IGSF11: variants seen among roughly 807,000 people sequenced by gnomAD.
The protein encoded by IGSF11 is immunoglobulin superfamily member 11.
IGSF11 carries 22 observed loss-of-function variants against 41.0 expected under a neutral mutation model. That is an observed-to-expected ratio of 0.54 (90% CI 0.38 to 0.77). IGSF11 has a LOEUF of 0.77. Ranked by LOEUF, IGSF11 falls within the 30% of genes least tolerant of loss-of-function variation. The pLI, the probability that IGSF11 is intolerant of heterozygous loss-of-function variation, is 0.00. For missense variants in IGSF11, 444 were observed against 530.8 expected, an observed-to-expected ratio of 0.84 and a Z score of 1.61; for synonymous variants, 219 against 201.3, an observed-to-expected ratio of 1.09 and a Z score of -0.74.
At chr3:118,977,147 A>C (rs879541325) in intron 1 of IGSF11, among the ~76,000 whole-genome samples, 1 of 152,180 alleles carries the variant, frequency 6.6e-6, no homozygotes, top group Non-Finnish European at 1.5e-5. Flanking sequence ...CATATTCCCC[A>C]GATTTTCTTT....
chr3:119,065,075 T>TC (rs1351311896), intron 1 of IGSF11, among the ~76,000 whole-genome samples: 1 of 152,220 alleles, frequency 6.6e-6, no homozygotes, highest in Admixed American at 6.5e-5. Context: ...CCTCTTTGAC[T>TC]CATACCCAAT....
intron 1 of IGSF11, among the ~76,000 whole-genome samples, chr3:119,135,166 G>T (rs1460954135): frequency 6.6e-5 from 10 of 151,988 alleles, no homozygotes; most frequent in African/African-American, 2.2e-4. Flanking sequence ...GGACTTCATG[G>T]CTAAAACACC....
At chr3:119,058,690 C>T (rs1009989481) in intron 1 of IGSF11, among the ~76,000 whole-genome samples, 1 of 152,166 alleles carries the variant, frequency 6.6e-6, no homozygotes, top group African/African-American at 2.4e-5. Flanking sequence ...TTTATTGCGG[C>T]ACTATTCACA....
intron 4 of IGSF11, among the ~76,000 whole-genome samples, chr3:118,917,740 C>A (rs1941310728): frequency 6.7e-6 from 1 of 149,570 alleles, no homozygotes; most frequent in African/African-American, 2.5e-5. Flanking sequence ...AGAGGGAATC[C>A]TCCCTAACTC....
rs546129822 is a variant in IGSF11, at chr3:119,091,550, T to G, written c.49+13594A>C. Reference sequence around the variant, plus strand: ...TAAAAAAGAATGAAATAATATCCTTTGCAGCAACATAGATGGAGCTGGAGG... The same window carrying G: ...TAAAAAAGAATGAAATAATATCCTTGGCAGCAACATAGATGGAGCTGGAGG... On this transcript the variant is annotated intron_variant, in intron 1 of 6. Transcript: ENST00000354673. 7.2e-5 allele frequency among the ~76,000 whole-genome samples: 11 copies of G among 152,306 alleles called. No individual in the cohort carries two copies. The East Asian group carries it at 2.1e-3, about 29-fold the overall frequency.
Position 119,047,911 on chromosome 3 carries a change from G to A in IGSF11, c.49+57233C>T, listed in dbSNP as rs535584849. ...CCTGAATGACTACTGCGTACATAAC[G>A]AAATGAAGGCAGAAATAAAGATGTT... On this transcript the variant is annotated intron_variant, in intron 1 of 6. Transcript: ENST00000354673. Among the ~76,000 whole-genome samples, 42 of 152,222 alleles carry A rather than the reference G, an allele frequency of 2.8e-4. 1 individual carries two copies. The highest frequency in any genetic ancestry group is 2.3e-3 in the South Asian group (11 of 4,818).
At chr3:119,081,753 G>A (rs1456841285) in intron 1 of IGSF11, among the ~76,000 whole-genome samples, 1 of 152,170 alleles carries the variant, frequency 6.6e-6, no homozygotes, top group Non-Finnish European at 1.5e-5. Context: ...ACCTCCTTGT[G>A]AATGGTAGGT....
At chr3:118,998,759 T>C (rs1936516666) in intron 1 of IGSF11, among the ~76,000 whole-genome samples, 1 of 152,152 alleles carries the variant, frequency 6.6e-6, no homozygotes, top group African/African-American at 2.4e-5. Flanking sequence ...AAATTTCAAT[T>C]TGCCCTTTAA....
At chr3:119,044,557 G>A (rs1941244670) in intron 1 of IGSF11, among the ~76,000 whole-genome samples, 1 of 152,068 alleles carries the variant, frequency 6.6e-6, no homozygotes, top group South Asian at 2.1e-4. Context: ...AGATGCTCAA[G>A]GAACACCTGG....
At chr3:118,913,351 T>G (rs1050728289) in intron 4 of IGSF11, among the ~76,000 whole-genome samples, 4 of 152,016 alleles carry the variant, frequency 2.6e-5, no homozygotes, top group African/African-American at 9.7e-5. Context: ...GCAGGATTAA[T>G]AAAAATTAAC....
chr3:119,011,599 G>A (rs1322776024), intron 1 of IGSF11, among the ~76,000 whole-genome samples: 1 of 152,040 alleles, frequency 6.6e-6, no homozygotes, highest in Admixed American at 6.6e-5. Context: ...AAAGAAGAGG[G>A]CCACAGAAGG....
At chr3:118,965,345 AT>A (rs1378875737) in intron 1 of IGSF11, among the ~76,000 whole-genome samples, 4 of 152,118 alleles carry the variant, frequency 2.6e-5, no homozygotes, top group Non-Finnish European at 5.9e-5. Flanking sequence ...TATAAGGAGT[AT>A]AAAAAATAAA....
intron 1 of IGSF11, among the ~76,000 whole-genome samples, chr3:119,003,480 G>A (rs1379322318): frequency 3.3e-5 from 5 of 150,864 alleles, no homozygotes; most frequent in African/African-American, 1.2e-4. Flanking sequence ...TCTCCTGCCT[G>A]ATTGCCCTGG....
intron 1 of IGSF11, among the ~76,000 whole-genome samples, chr3:119,048,549 G>A (rs1941471173): frequency 6.6e-6 from 1 of 152,124 alleles, no homozygotes; most frequent in Non-Finnish European, 1.5e-5. Context: ...TGGATTCACA[G>A]CCTAATTCTA....
In IGSF11 at chr3:118,933,470, T is replaced by TATATATATATATATATATATATATA. The variant is rs59418588; in HGVS notation, c.53-3196_53-3195insTATATATATATATATATATATATAT. Among the ~76,000 whole-genome samples, 10 of 146,140 alleles carry TATATATATATATATATATATATATA rather than the reference T, an allele frequency of 6.8e-5. 1 individual carries two copies. Among genetic ancestry groups the TATATATATATATATATATATATATA allele is most frequent in the Admixed American group, 5.5e-4 (8 of 14,542 alleles). ...TCTCTCTACATATAACATGTATTTT[T>TATATATATATATATATATATATATA]TATATATATATATATATATACACAC... On this transcript the variant is annotated intron_variant, in intron 1 of 6. Transcript: ENST00000393775.
intron 1 of IGSF11, among the ~76,000 whole-genome samples, chr3:118,975,363 T>TTAAAAAAAAAAAAAA (rs765744961): frequency 1.4e-4 from 20 of 140,734 alleles, no homozygotes; most frequent in South Asian, 4.5e-4. Context: ...CTGCTGGATT[T>TTAAAAAAAAAAAAAA]AAAAAAAAAA....
chr3:119,061,837 T>C (rs1463960074), intron 1 of IGSF11, among the ~76,000 whole-genome samples: 1 of 152,042 alleles, frequency 6.6e-6, no homozygotes. Context: ...GATAATAGTA[T>C]ACTTCTTGTC....
At position 118,907,825 on chromosome 3, in the gene IGSF11, T is replaced by C. The variant is rs968287699; in HGVS notation, c.581-2107A>G. Among the ~76,000 whole-genome samples, 5 of 152,302 alleles carry C rather than the reference T, an allele frequency of 3.3e-5. 1 individual carries two copies. The highest frequency in any genetic ancestry group is 1.9e-4 in the East Asian group (1 of 5,182). Reference sequence around the variant, plus strand: ...AAGCTTATACTCACCATACATACACTTGGCACTCTAGTAAGGCATTTAAAA... The same window carrying C: ...AAGCTTATACTCACCATACATACACCTGGCACTCTAGTAAGGCATTTAAAA... On this transcript the variant is annotated intron_variant, in intron 4 of 6. Coordinates refer to ENST00000393775, the MANE Select transcript of IGSF11 (RefSeq NM_001015887.3).
intron 1 of IGSF11, among the ~76,000 whole-genome samples, chr3:119,051,454 C>A (rs1173457687): frequency 6.6e-6 from 1 of 152,112 alleles, no homozygotes; most frequent in Non-Finnish European, 1.5e-5. Flanking sequence ...ATGCACCTAA[C>A]ACTGGATCTC....
Sources: gnomAD v4.1 joint callset for allele counts (sites outside exome capture counted in the v4.1 genomes callset) on GRCh38, gnomAD v4.1.1 for gene constraint, MANE v1.5 for transcripts, NCBI Gene and HGNC (gene_info 2026-07-23, HGNC 2026-07-21) for gene names.